The following RANBP17 variants were observed in gnomAD, a reference collection of about 807,000 sequenced individuals.
RANBP17 encodes ran-binding protein 17.
RANBP17 carries 158 observed loss-of-function variants against 141.2 expected under a neutral mutation model. The observed-to-expected ratio is 1.12, with a 90% confidence interval of 0.98 to 1.28. RANBP17 has a LOEUF of 1.28. Among genes scored for constraint, RANBP17 ranks in the 50% most tolerant of loss-of-function variants. RANBP17 has a pLI of 0.00. For synonymous variants in RANBP17, 430 were observed against 450.0 expected (o/e 0.96, Z 0.56); for missense variants, 1,438 against 1,290.7 (o/e 1.11, Z -1.75).
chr5:171,168,358 A>G (rs963625031), intron 14 of RANBP17, among the ~76,000 whole-genome samples: 3 of 152,196 alleles, frequency 2.0e-5, no homozygotes, highest in Non-Finnish European at 4.4e-5. Flanking sequence ...ATTGCATGAG[A>G]TGTCTCAGTG....
At chr5:171,079,076 A>C (rs1462606460) in intron 14 of RANBP17, among the ~76,000 whole-genome samples, 1 of 152,184 alleles carries the variant, frequency 6.6e-6, no homozygotes, top group African/African-American at 2.4e-5. Flanking sequence ...TGATTCATGG[A>C]AGTAGGTCAG....
rs139517669 is a variant in RANBP17, at chr5:171,110,032, G to A, written c.1711-60098G>A. ...GGAAGTATACTAAAATGTAAACAGT[G>A]GTCACTTAGAAGTGGTAGTATTATG... On this transcript the variant is annotated intron_variant, in intron 14 of 27. Transcript: ENST00000523189. Among the ~76,000 whole-genome samples, 369 of 152,006 alleles carry A rather than the reference G, an allele frequency of 2.4e-3. 2 individuals are homozygous for A. The highest frequency in any genetic ancestry group is 8.5e-3 in the African/African-American group (353 of 41,474).
Position 170,916,698 on chromosome 5 carries a change from A to G in RANBP17, c.954+114A>G, listed in dbSNP as rs1050294341. The G allele has an allele frequency of 4.6e-6, 3 of 651,278 alleles. No individual in the cohort carries two copies. The African/African-American group carries it at 5.6e-5, about 12-fold the overall frequency. 40.3% of individuals were successfully genotyped at this position (651,278 alleles called of 1,614,324 possible). A position where few individuals can be genotyped will look rare whatever the true frequency, so the allele number is the denominator to read the frequency against. ...ATTCTGGAAGAAAACATTTAGTATC[A>G]TATATATCTTCCTTAGAGCTTTTTT... On this transcript the variant is annotated intron_variant, in intron 9 of 27. Transcript: ENST00000523189.
intron 14 of RANBP17, among the ~76,000 whole-genome samples, chr5:170,996,381 A>G (rs892991572): frequency 6.6e-6 from 1 of 152,186 alleles, no homozygotes; most frequent in African/African-American, 2.4e-5. Context: ...AATACCTGTA[A>G]TGGAGTTCAG....
chr5:171,162,134 C>A (rs1246802011), intron 14 of RANBP17, among the ~76,000 whole-genome samples: 1 of 152,192 alleles, frequency 6.6e-6, no homozygotes, highest in Non-Finnish European at 1.5e-5. Context: ...TAGTTAGCTT[C>A]TTTTTGAATG....
At chr5:171,201,555 C>T (rs1378349322) in intron 19 of RANBP17, among the ~76,000 whole-genome samples, 1 of 152,230 alleles carries the variant, frequency 6.6e-6, no homozygotes, top group Non-Finnish European at 1.5e-5. Context: ...TATTGCTGAT[C>T]GTGTCTCTTG....
rs1174852684 is a variant in RANBP17, at chr5:170,894,484, TTTTATATA to T, written c.424-1564_424-1557del. On this transcript the variant is annotated intron_variant, in intron 4 of 27. Transcript: ENST00000523189. ...CACCATAGAATAGTTAGTACGTGTT[TTTTATATA>T]TATATATATATATATGGCTTGACCT... is the stretch of plus-strand genomic sequence containing the variant. 2.4e-3 allele frequency among the ~76,000 whole-genome samples: 39 copies of T among 16,056 alleles called. 3 individuals carry two copies. In the South Asian group the frequency reaches 0.033, roughly 14 times the overall value. The allele number at this position is 16,056 out of a possible 152,430, so 10.5% of individuals were successfully genotyped here.
chr5:170,937,943 T>G (rs1003081561), intron 12 of RANBP17, among the ~76,000 whole-genome samples: 3 of 152,160 alleles, frequency 2.0e-5, no homozygotes, highest in Non-Finnish European at 4.4e-5. Context: ...GAAAGGCCTT[T>G]TAGCTGCAAA....
chr5:171,082,012 A>G (rs1483555810), intron 14 of RANBP17, among the ~76,000 whole-genome samples: 3 of 152,100 alleles, frequency 2.0e-5, no homozygotes, highest in Non-Finnish European at 4.4e-5. Context: ...TTTTGACTTG[A>G]AGTCATTTTT....
At chr5:171,233,886 C>T (rs1764362515) in intron 22 of RANBP17, among the ~76,000 whole-genome samples, 1 of 152,198 alleles carries the variant, frequency 6.6e-6, no homozygotes, top group African/African-American at 2.4e-5. Context: ...TAAACTATGA[C>T]ATTGACTGAT....
chr5:171,046,903 C>A (rs1487320768), intron 14 of RANBP17, among the ~76,000 whole-genome samples: 2 of 151,952 alleles, frequency 1.3e-5, no homozygotes, highest in Non-Finnish European at 2.9e-5. Flanking sequence ...TTATTTCTGT[C>A]CAATTTGAGC....
intron 16 of RANBP17, among the ~76,000 whole-genome samples, chr5:171,182,117 A>G (rs1028723583): frequency 6.6e-6 from 1 of 152,214 alleles, no homozygotes; most frequent in African/African-American, 2.4e-5. Context: ...AGACTGAGGC[A>G]TGTATTTGGA....
chr5:171,152,385 C>G (rs1189936861), intron 14 of RANBP17, among the ~76,000 whole-genome samples: 1 of 151,268 alleles, frequency 6.6e-6, no homozygotes, highest in African/African-American at 2.4e-5. Context: ...CTATTGCACT[C>G]CAGTCTGGGC....
chr5:170,923,760 T>C (rs1772673150), intron 11 of RANBP17, among the ~76,000 whole-genome samples: 1 of 152,180 alleles, frequency 6.6e-6, no homozygotes, highest in South Asian at 2.1e-4. Flanking sequence ...TGCCTTTGTA[T>C]GATACTGTTT....
intron 14 of RANBP17, among the ~76,000 whole-genome samples, chr5:171,010,173 A>G (rs1422241908): frequency 2.0e-5 from 3 of 152,170 alleles, no homozygotes; most frequent in Non-Finnish European, 2.9e-5. Context: ...ATGAAGGAAC[A>G]ATAGGCAGAA....
In RANBP17 at chr5:170,918,727, A is replaced by G; in HGVS notation, c.969A>G (p.Pro323=). Residue 323 remains proline (P), a synonymous_variant, in exon 10 of 28, where the codon CCA becomes CCG. Coordinates refer to ENST00000523189, the MANE Select transcript of RANBP17 (RefSeq NM_022897.5). ...TCATAATTTAGGGTTTGTCTGATCCAGGTAATTATCATGAATTTTGTCGAT... is the reference window on the plus strand; with the variant it reads ...TCATAATTTAGGGTTTGTCTGATCCGGGTAATTATCATGAATTTTGTCGAT... The part of the protein sequence containing the change: ...ILENPQGLSD[P]GNYHEFCRFL... 6.2e-7 allele frequency: 1 copy of G among 1,605,322 alleles called. No individual in the cohort carries two copies. The highest frequency in any genetic ancestry group is 8.5e-7 in the Non-Finnish European group (1 of 1,175,778).
At chr5:170,868,023 T>A (rs1767415453) in intron 1 of RANBP17, among the ~76,000 whole-genome samples, 1 of 152,228 alleles carries the variant, frequency 6.6e-6, no homozygotes, top group Non-Finnish European at 1.5e-5. Context: ...GTTGCATGCA[T>A]GACTATCAAC....
chr5:170,978,483 G>A (rs1258275787), intron 14 of RANBP17, among the ~76,000 whole-genome samples: 2 of 152,002 alleles, frequency 1.3e-5, no homozygotes, highest in Non-Finnish European at 2.9e-5. Context: ...ATAAATTAAT[G>A]TATACTCATA....
intron 21 of RANBP17, 140 bp from the exon 22 acceptor site, chr5:171,221,618 A>G: frequency 1.6e-6 from 1 of 643,124 alleles, no homozygotes; most frequent in Non-Finnish European, 2.8e-6. Flanking sequence ...TTTTATCAAC[A>G]GTTGTTTATA....
Sources: gnomAD v4.1 joint callset for allele counts (sites outside exome capture counted in the v4.1 genomes callset) on GRCh38, gnomAD v4.1.1 for gene constraint, MANE v1.5 for transcripts, NCBI Gene and HGNC (gene_info 2026-07-23, HGNC 2026-07-21) for gene names.